DVL3: variants seen among roughly 807,000 people sequenced by gnomAD.
DVL3 encodes the protein segment polarity protein dishevelled homolog DVL-3.
In DVL3, 27 loss-of-function variants were observed where a neutral mutation model predicts 67.4. The ratio of observed to expected loss-of-function variants is 0.40; its 90% CI spans 0.30 to 0.55. The LOEUF is 0.55. DVL3 is among the 20% of genes least tolerant of loss of function. The pLI, the probability that DVL3 is intolerant of heterozygous loss-of-function variation, is 0.46. For synonymous variants in DVL3, 369 were observed against 396.8 expected (o/e 0.93, Z 0.83); for missense variants, 819 against 1,021.5 (o/e 0.80, Z 2.70).
rs1167930023 is a variant in DVL3, at chr3:184,172,739, C to T, written c.*1984C>T. Reference sequence around the variant, plus strand: ...AGTGAGATTCTGTCTCAAAAGCAAACTAACAAAGAAAAACAATACTTCCTG... The same window carrying T: ...AGTGAGATTCTGTCTCAAAAGCAAATTAACAAAGAAAAACAATACTTCCTG... On this transcript the variant is annotated 3_prime_UTR_variant, in exon 15 of 15. Coordinates refer to ENST00000313143, the MANE Select transcript of DVL3 (RefSeq NM_004423.4). 1 of 152,188 alleles carries T rather than the reference C, an allele frequency of 6.6e-6. No individual in the cohort carries two copies. Among genetic ancestry groups the T allele is most frequent in the Non-Finnish European group, 1.5e-5 (1 of 68,060 alleles). 9.4% of individuals were successfully genotyped at this position (152,188 alleles called of 1,614,324 possible).
intron 1 of DVL3, among the ~76,000 whole-genome samples, chr3:184,160,621 A>G (rs1474668910): frequency 2.0e-5 from 3 of 152,044 alleles, no homozygotes; most frequent in African/African-American, 4.8e-5. Flanking sequence ...AGGTTCCCCA[A>G]AGCTGCTGAA....
intron 1 of DVL3, among the ~76,000 whole-genome samples, chr3:184,162,899 G>A (rs1177458823): frequency 6.6e-6 from 1 of 152,200 alleles, no homozygotes; most frequent in African/African-American, 2.4e-5. Flanking sequence ...TTGGCCGGGG[G>A]AATGTGGTGA....
At chr3:184,168,706 A>G (rs538906595) in intron 13 of DVL3, among the ~76,000 whole-genome samples, 19 of 152,148 alleles carry the variant, frequency 1.2e-4, no homozygotes, top group Non-Finnish European at 2.1e-4. Flanking sequence ...TCATCTTAAT[A>G]GGGCCGGTGG....
chr3:184,155,527 C>A lies in DVL3; in HGVS notation c.-109C>A, dbSNP rs1714142957. 2 of 696,458 alleles carry A rather than the reference C, an allele frequency of 2.9e-6. No homozygotes were observed. Among genetic ancestry groups the A allele is most frequent in the South Asian group, 6.1e-5 (1 of 16,306 alleles). The allele number at this position is 696,458 out of a possible 1,614,324, so 43.1% of individuals were successfully genotyped here. ...GGGAGCTGGCGCCGCCAGCAGCCGC[C>A]GAGCTGGGTTGAGCCGCTGGGCCGC... On this transcript the variant is annotated 5_prime_UTR_variant, in exon 1 of 15. Transcript: ENST00000313143. This position sits in a 1 kb window ranked among gnomAD's most constrained non-coding sequence, Gnocchi z 5.4.
chr3:184,165,513 T>C lies in DVL3; in HGVS notation c.763+22T>C. ...ATGGGTGAGTCTGAGGAAACAGCAC[T>C]CTCAAGCACCTGCTATATGCCAGAC... On this transcript the variant is annotated intron_variant, in intron 7 of 14. Coordinates refer to ENST00000313143, the MANE Select transcript of DVL3 (RefSeq NM_004423.4). The surrounding 1 kb of genome is among the most constrained non-coding windows in gnomAD (Gnocchi z 4.1). 6.2e-7 allele frequency: 1 copy of C among 1,607,408 alleles called. No homozygotes were observed. Among genetic ancestry groups the C allele is most frequent in the Non-Finnish European group, 8.5e-7 (1 of 1,173,974 alleles).
In DVL3 at chr3:184,172,647, T is replaced by A. The variant is rs1227901069; in HGVS notation, c.*1892T>A. ...TACTCAGGAGGCTGAGGCACAAGAA[T>A]CGCTTGAATCCAGGAAGCAAGCGGA... On this transcript the variant is annotated 3_prime_UTR_variant, in exon 15 of 15. Coordinates refer to ENST00000313143, the MANE Select transcript of DVL3 (RefSeq NM_004423.4). 6.6e-6 allele frequency: 1 copy of A among 152,202 alleles called. No homozygotes were observed. The highest frequency in any genetic ancestry group is 1.5e-5 in the Non-Finnish European group (1 of 68,036). The allele number at this position is 152,202 out of a possible 1,614,324, so 9.4% of individuals were successfully genotyped here.
At chr3:184,161,594 C>G (rs1459192078) in intron 1 of DVL3, among the ~76,000 whole-genome samples, 1 of 152,014 alleles carries the variant, frequency 6.6e-6, no homozygotes, top group Non-Finnish European at 1.5e-5. Flanking sequence ...CAAACTTTTC[C>G]ACTCCCCTTC....
At position 184,173,354 on chromosome 3, in the gene DVL3, C is replaced by T. The variant is rs928998537; in HGVS notation, c.*2599C>T. On this transcript the variant is annotated 3_prime_UTR_variant, in exon 15 of 15. Coordinates refer to ENST00000313143, the MANE Select transcript of DVL3 (RefSeq NM_004423.4). ...GAATTTGGCCCTCCCTCTCCCCTCT[C>T]TACTTTAATTCATTGGAGCATGGGA... 12 of 152,254 alleles carry T rather than the reference C, an allele frequency of 7.9e-5. No individual in the cohort carries two copies. Among genetic ancestry groups the T allele is most frequent in the African/African-American group, 2.9e-4 (12 of 41,456 alleles). The allele number at this position is 152,254 out of a possible 1,614,324, so 9.4% of individuals were successfully genotyped here. A position where few individuals can be genotyped will look rare whatever the true frequency, so the allele number is the denominator to read the frequency against.
rs1714629651 is a variant in DVL3 at position 184,167,260 on chromosome 3, G to A, written c.1198+285G>A. 6.6e-6 allele frequency among the ~76,000 whole-genome samples: 1 copy of A among 152,174 alleles called. No individual in the cohort carries two copies. Among genetic ancestry groups the A allele is most frequent in the African/African-American group, 2.4e-5 (1 of 41,430 alleles). On this transcript the variant is annotated intron_variant, in intron 11 of 14. Transcript: ENST00000313143. The surrounding 1 kb of genome is among the most constrained non-coding windows in gnomAD (Gnocchi z 4.6). ...CAGGTTCCTGTGGGTTTAATGAGAG[G>A]ATATAAGTGAAGCACCATTGCGATG...
In DVL3 at chr3:184,155,900, C is replaced by CTAGAAGTCAGAGCGGGGCTA; in HGVS notation, c.161+104_161+105insTAGAAGTCAGAGCGGGGCTA. 1 of 1,389,814 alleles carries CTAGAAGTCAGAGCGGGGCTA rather than the reference C, an allele frequency of 7.2e-7. No individual in the cohort carries two copies. Among genetic ancestry groups the CTAGAAGTCAGAGCGGGGCTA allele is most frequent in the Non-Finnish European group, 9.7e-7 (1 of 1,030,538 alleles). The allele number at this position is 1,389,814 out of a possible 1,614,324, so 86.1% of individuals were successfully genotyped here. Reference sequence around the variant, plus strand: ...GCCTCGCTACACCGGCTCCTAGCCCCGCTCTGACTTCTAGGGGCGACTCGG... The same window carrying CTAGAAGTCAGAGCGGGGCTA: ...GCCTCGCTACACCGGCTCCTAGCCCCTAGAAGTCAGAGCGGGGCTAGCTCTGACTTCTAGGGGCGACTCGG... On this transcript the variant is annotated intron_variant, in intron 1 of 14. Transcript: ENST00000313143. This position sits in a 1 kb window ranked among gnomAD's most constrained non-coding sequence, Gnocchi z 5.4.
chr3:184,168,044 A>G lies in DVL3; in HGVS notation c.1477A>G (p.Ile493Val), dbSNP rs61758454. Residue 493 changes from isoleucine (I) to valine (V), a missense_variant, in exon 13 of 15, where the codon ATC (isoleucine) becomes GTC (valine). Coordinates refer to ENST00000313143, the MANE Select transcript of DVL3 (RefSeq NM_004423.4). Reference sequence around the variant, plus strand: ...CACCTTCTCCGAGCAGTGCTACTACATCTTCGGTGACCTCTGCGGCAGTAT... The same window carrying G: ...CACCTTCTCCGAGCAGTGCTACTACGTCTTCGGTGACCTCTGCGGCAGTAT... ...KITFSEQCYY[I>V]FGDLCGNMAN... 3,996 of 1,614,170 alleles carry G rather than the reference A, an allele frequency of 2.5e-3. 110 individuals are homozygous for G. The South Asian group carries it at 0.041, about 17-fold the overall frequency.
chr3:184,164,329 G>T lies in DVL3; in HGVS notation c.294G>T (p.Glu98Asp). 1 of 1,614,126 alleles carries T rather than the reference G, an allele frequency of 6.2e-7. No individual in the cohort carries two copies. Among genetic ancestry groups the T allele is most frequent in the Non-Finnish European group, 8.5e-7 (1 of 1,180,002 alleles). Reference sequence around the variant, plus strand: ...CCTTCTGTGCTGATAACCCATCGGAGCTGCCACCACCTATGGAGCGCACGG... The same window carrying T: ...CCTTCTGTGCTGATAACCCATCGGATCTGCCACCACCTATGGAGCGCACGG... ...PAPFCADNPS[E>D]LPPPMERTGG... Residue 98 changes from glutamate to aspartate, a missense_variant, in exon 3 of 15, where the codon GAG becomes GAT. Physicochemically the swap from Glu to Asp is conservative, Grantham distance 45. Around this residue, in one of 3 missense-constraint regions of DVL3, gnomAD observed 385 missense variants for 486.8 expected, o/e 0.79. Coordinates refer to ENST00000313143, the MANE Select transcript of DVL3 (RefSeq NM_004423.4). The surrounding 1 kb of genome is among the most constrained non-coding windows in gnomAD (Gnocchi z 5.3).
At position 184,170,349 on chromosome 3, in the gene DVL3, G is replaced by A; in HGVS notation, c.1745G>A (p.Gly582Asp). 1 of 1,605,198 alleles carries A rather than the reference G, an allele frequency of 6.2e-7. No homozygotes were observed. Among genetic ancestry groups the A allele is most frequent in the Non-Finnish European group, 8.5e-7 (1 of 1,176,264 alleles). The change falls in exon 15 of 15, where the codon GGC becomes GAC. Residue 582 changes from glycine to aspartate, a missense_variant. Gly to Asp is a moderately conservative substitution (Grantham distance 94). Coordinates refer to ENST00000313143, the MANE Select transcript of DVL3 (RefSeq NM_004423.4). This position sits in a 1 kb window ranked among gnomAD's most constrained non-coding sequence, Gnocchi z 6.5. Reference sequence around the variant, plus strand: ...CGGAGCAGTGGCTCCAACCGTAGCGGCAGCGATCGGAGGAAGGAGAAGGAC... The same window carrying A: ...CGGAGCAGTGGCTCCAACCGTAGCGACAGCGATCGGAGGAAGGAGAAGGAC... ...GSRSSGSNRSGSDRRKEKDPK... is the reference protein window; with the variant it reads ...GSRSSGSNRSDSDRRKEKDPK...
At chr3:184,161,035 G>C (rs1301087733) in intron 1 of DVL3, among the ~76,000 whole-genome samples, 1 of 152,246 alleles carries the variant, frequency 6.6e-6, no homozygotes, top group Non-Finnish European at 1.5e-5. Context: ...ATGGGAGTGG[G>C]GAGGGCAGGC....
Position 184,171,038 on chromosome 3 carries a change from G to C in DVL3, c.*283G>C. On this transcript the variant is annotated 3_prime_UTR_variant, in exon 15 of 15. Transcript: ENST00000313143. ...TTTGTCTCTGGGACCAGACTTGTTG[G>C]TGCTACCCCTTACTCCCCTCTGCAA... 7.3e-7 allele frequency: 1 copy of C among 1,368,654 alleles called. No homozygotes were observed. The highest frequency in any genetic ancestry group is 1.4e-5 in the South Asian group (1 of 71,534). 84.8% of individuals were successfully genotyped at this position (1,368,654 alleles called of 1,614,324 possible).
chr3:184,160,031 C>T (rs1254572268), intron 1 of DVL3, among the ~76,000 whole-genome samples: 2 of 151,826 alleles, frequency 1.3e-5, no homozygotes, highest in Admixed American at 6.5e-5. Context: ...GCTCCGCCTC[C>T]TGGGTTCACG....
At chr3:184,156,511 G>A (rs1173454962) in intron 1 of DVL3, 6 of 456,534 alleles carry the variant, frequency 1.3e-5, no homozygotes, top group Non-Finnish European at 2.6e-5. Flanking sequence ...AGAGACGTTA[G>A]GAAGGGCCTG....
Position 184,156,740 on chromosome 3 carries a change from A to C in DVL3, c.161+944A>C, listed in dbSNP as rs182837860. 2.4e-3 allele frequency: 671 copies of C among 278,378 alleles called. 13 individuals carry two copies. The highest frequency in any genetic ancestry group is 0.015 in the South Asian group (467 of 32,032). The allele number at this position is 278,378 out of a possible 1,614,324, so 17.2% of individuals were successfully genotyped here. ...GGCTGATCCCCCTCGAACCCCCCCA[A>C]CTCCCAGGAGACTGGGGGAGGGGGA... On this transcript the variant is annotated intron_variant, in intron 1 of 14. Coordinates refer to ENST00000313143, the MANE Select transcript of DVL3 (RefSeq NM_004423.4).
At chr3:184,169,727 G>GA (rs1714737762) in intron 13 of DVL3, among the ~76,000 whole-genome samples, 1 of 152,212 alleles carries the variant, frequency 6.6e-6, no homozygotes, top group South Asian at 2.1e-4. Flanking sequence ...GGCCAGCAGA[G>GA]AAAGTGCAAA....
Sources: allele counts gnomAD v4.1 joint callset (sites outside exome capture counted in the v4.1 genomes callset), GRCh38; gene constraint gnomAD v4.1.1; regional missense constraint gnomAD v4.1.1; non-coding constraint Gnocchi (gnomAD v3.1); transcripts MANE v1.5; gene names NCBI Gene and HGNC (gene_info 2026-07-23, HGNC 2026-07-21).